Variants in DOK6 observed in about 807,000 individuals in gnomAD.
The protein encoded by DOK6 is docking protein 6, also known as downstream of tyrosine kinase 6.
A neutral mutation model predicts 44.0 loss-of-function variants in DOK6; 22 were observed. The observed-to-expected ratio is 0.50, with a 90% CI of 0.36 to 0.71. DOK6 has a LOEUF of 0.71. DOK6 is among the 30% of genes least tolerant of loss of function. The probability of loss-of-function intolerance (pLI) is 0.00; values close to 1 mark genes in which losing one functional copy is unlikely to be tolerated. For synonymous variants in DOK6, 166 were observed against 145.5 expected (o/e 1.14, Z -1.01); for missense variants, 340 against 416.4 (o/e 0.82, Z 1.60).
At chr18:69,571,028 TTATA>T (rs1172208346) in intron 2 of DOK6, among the ~76,000 whole-genome samples, 5 of 152,012 alleles carry the variant, frequency 3.3e-5, no homozygotes, top group Admixed American at 6.6e-5. Context: ...AACTTTGTCA[TTATA>T]TATGTATACA....
At chr18:69,638,304 C>G (rs920174215) in intron 3 of DOK6, among the ~76,000 whole-genome samples, 4 of 152,198 alleles carry the variant, frequency 2.6e-5, no homozygotes, top group Admixed American at 1.3e-4. Flanking sequence ...CTGTAGAGCA[C>G]TTTGCCATAC....
chr18:69,770,515 A>G (rs1979856161), intron 7 of DOK6, among the ~76,000 whole-genome samples: 1 of 152,122 alleles, frequency 6.6e-6, no homozygotes, highest in African/African-American at 2.4e-5. Context: ...TAAATGAGAC[A>G]ACCCAGATGG....
chr18:69,568,774 T>C (rs966403451), intron 2 of DOK6, among the ~76,000 whole-genome samples: 1 of 151,970 alleles, frequency 6.6e-6, no homozygotes, highest in Non-Finnish European at 1.5e-5. Flanking sequence ...CATTACATTC[T>C]CATAGGAGCA....
At chr18:69,782,158 T>A (rs1980289656) in intron 7 of DOK6, among the ~76,000 whole-genome samples, 1 of 151,838 alleles carries the variant, frequency 6.6e-6, no homozygotes, top group African/African-American at 2.4e-5. Context: ...TTTCTGTCAG[T>A]GACCAGAGTT....
intron 1 of DOK6, among the ~76,000 whole-genome samples, chr18:69,472,739 GACAC>G (rs199645311): frequency 1.1e-4 from 16 of 151,038 alleles, no homozygotes; most frequent in Admixed American, 4.0e-4. Context: ...CGCACAGATA[GACAC>G]ACACACACAC....
chr18:69,628,478 A>G (rs371103400), intron 3 of DOK6, among the ~76,000 whole-genome samples: 3 of 152,096 alleles, frequency 2.0e-5, no homozygotes, highest in African/African-American at 4.8e-5. Flanking sequence ...TGACAGAGTA[A>G]GACTCTGTCT....
chr18:69,722,980 GC>G (rs1978291279), intron 5 of DOK6, among the ~76,000 whole-genome samples: 1 of 152,072 alleles, frequency 6.6e-6, no homozygotes, highest in African/African-American at 2.4e-5. Flanking sequence ...TTTAAAAAGA[GC>G]CCCAGAGAAA....
intron 3 of DOK6, among the ~76,000 whole-genome samples, chr18:69,668,189 C>T (rs1472879818): frequency 6.6e-6 from 1 of 152,080 alleles, no homozygotes; most frequent in Non-Finnish European, 1.5e-5. Flanking sequence ...GCCACCATTC[C>T]CCACTCCACT....
intron 5 of DOK6, among the ~76,000 whole-genome samples, chr18:69,715,896 T>C (rs536109726): frequency 3.7e-4 from 56 of 152,312 alleles, no homozygotes; most frequent in Non-Finnish European, 6.2e-4. Context: ...ATTGGTTGGT[T>C]TGCATTTGAG....
chr18:69,547,292 G>T (rs1327211946), intron 1 of DOK6, among the ~76,000 whole-genome samples: 1 of 151,316 alleles, frequency 6.6e-6, no homozygotes, highest in Non-Finnish European at 1.5e-5. Flanking sequence ...GTAGAGACTG[G>T]GTTTGACCAT....
intron 1 of DOK6, among the ~76,000 whole-genome samples, chr18:69,411,232 G>A (rs1978304681): frequency 6.6e-6 from 1 of 152,154 alleles, no homozygotes; most frequent in Admixed American, 6.6e-5. Context: ...TGAGATGAGT[G>A]TGGAGTAATG....
chr18:69,487,554 C>A (rs917764123), intron 1 of DOK6, among the ~76,000 whole-genome samples: 1 of 152,010 alleles, frequency 6.6e-6, no homozygotes, highest in Non-Finnish European at 1.5e-5. Flanking sequence ...CCAAAAGTTC[C>A]TTTTTTAAAC....
intron 1 of DOK6, among the ~76,000 whole-genome samples, chr18:69,452,207 A>C (rs1284710337): frequency 6.7e-6 from 1 of 150,140 alleles, no homozygotes; most frequent in South Asian, 2.1e-4. Flanking sequence ...TCAAATAGAC[A>C]CAATAAAAAA....
intron 5 of DOK6, among the ~76,000 whole-genome samples, chr18:69,703,148 T>A (rs184113846): frequency 6.6e-6 from 1 of 152,312 alleles, no homozygotes; most frequent in Non-Finnish European, 1.5e-5. Flanking sequence ...CACTTTGTCT[T>A]GGCATTATCT....
chr18:69,595,103 A>G (rs1012064716), intron 2 of DOK6, among the ~76,000 whole-genome samples: 23 of 152,220 alleles, frequency 1.5e-4, no homozygotes, highest in African/African-American at 5.1e-4. Flanking sequence ...TGATGAAAGA[A>G]TTGAACAAAT....
At chr18:69,704,619 C>T (rs1219172676) in intron 5 of DOK6, among the ~76,000 whole-genome samples, 2 of 151,976 alleles carry the variant, frequency 1.3e-5, no homozygotes, top group African/African-American at 2.4e-5. Flanking sequence ...GCTGGGACTA[C>T]AGGCGCCCGC....
At chr18:69,576,655 C>G (rs1045968728) in intron 2 of DOK6, among the ~76,000 whole-genome samples, 1 of 152,046 alleles carries the variant, frequency 6.6e-6, no homozygotes, top group African/African-American at 2.4e-5. Flanking sequence ...ATGGTATATA[C>G]TTTTTAGAAA....
In DOK6 at chr18:69,848,558, T is replaced by C. The variant is rs1174197766; in HGVS notation, c.*7175T>C. On this transcript the variant is annotated 3_prime_UTR_variant, in exon 8 of 8. Transcript: ENST00000382713. The stretch of plus-strand genomic sequence containing the variant: ...ATTTCTAGCAGAACAGAAAATATTA[T>C]AATAATGAGGCAATAATAAAATTAG... 6.6e-6 allele frequency: 1 copy of C among 152,230 alleles called. No individual in the cohort carries two copies. The highest frequency in any genetic ancestry group is 1.5e-5 in the Non-Finnish European group (1 of 68,036). The allele number at this position is 152,230 out of a possible 1,614,324, so 9.4% of individuals were successfully genotyped here.
In DOK6 at chr18:69,566,111, G is replaced by GTTTATTTA. The variant is rs56218878; in HGVS notation, c.174+1546_174+1553dup. On this transcript the variant is annotated intron_variant, in intron 2 of 7. Coordinates refer to ENST00000382713, the MANE Select transcript of DOK6 (RefSeq NM_152721.6). ...GGAGCTCTCTAGCCAGTACAGCTCG[G>GTTTATTTA]TTTATTTATTTATTTATTTATTTAT... is the stretch of plus-strand genomic sequence containing the variant. Among the ~76,000 whole-genome samples, 845 of 150,110 alleles carry GTTTATTTA rather than the reference G, an allele frequency of 5.6e-3. 8 individuals carry two copies. Among genetic ancestry groups the GTTTATTTA allele is most frequent in the African/African-American group, 0.02 (803 of 40,738 alleles).
Sources: gnomAD v4.1 joint callset for allele counts (sites outside exome capture counted in the v4.1 genomes callset) on GRCh38, gnomAD v4.1.1 for gene constraint, MANE v1.5 for transcripts, NCBI Gene and HGNC (gene_info 2026-07-23, HGNC 2026-07-21) for gene names.